PLA2G4F: variants seen among roughly 807,000 people sequenced by gnomAD.
The protein encoded by PLA2G4F is cytosolic phospholipase A2 zeta.
A neutral mutation model predicts 103.1 loss-of-function variants in PLA2G4F; 105 were observed. That is an observed-to-expected ratio of 1.02 (90% CI 0.87 to 1.20). The LOEUF (loss-of-function observed/expected upper bound fraction) is 1.20, where lower values mean the gene tolerates loss of function less well. PLA2G4F is among the 50% of genes most tolerant of loss of function. PLA2G4F has a pLI of 0.00. For synonymous variants in PLA2G4F, 468 were observed against 441.1 expected (o/e 1.06, Z -0.76); for missense variants, 1,155 against 1,075.9 (o/e 1.07, Z -1.03).
Position 42,142,148 on chromosome 15 carries a change from G to T in PLA2G4F, c.2386C>A (p.Pro796Thr), listed in dbSNP as rs1306865684. ...KAFGDFVINRPDTPYGMMNFT... is the reference protein window; with the variant it reads ...KAFGDFVINRTDTPYGMMNFT... ...TTCATCATGCCATAGGGGGTGTCTG[G>T]CCTGTTGATGACAAAGTCCCCAAAG... Residue 796 changes from proline (P) to threonine (T), a missense_variant, in exon 20 of 20, where the codon CCA becomes ACA. Physicochemically the swap from Pro to Thr is conservative, Grantham distance 38. Coordinates refer to ENST00000397272, the MANE Select transcript of PLA2G4F (RefSeq NM_213600.4). 3 of 1,614,204 alleles carry T rather than the reference G, an allele frequency of 1.9e-6. No homozygotes were observed. Among genetic ancestry groups the T allele is most frequent in the Non-Finnish European group, 2.5e-6 (3 of 1,180,032 alleles).
rs2048898773 is a variant in PLA2G4F, at chr15:42,147,187, A to G, written c.1356T>C (p.Ser452=). ...GGTCGATGAGGGACACGCTGTGGCC[A>G]CTGCGCTCCCGGACCCCCAGTTCCT... ...YTQELGVRER[S]GHSVSLIDLW... Residue 452 remains serine, a synonymous_variant, in exon 13 of 20, where the codon AGT becomes AGC. Coordinates refer to ENST00000397272, the MANE Select transcript of PLA2G4F (RefSeq NM_213600.4). 4 of 1,612,862 alleles carry G rather than the reference A, an allele frequency of 2.5e-6. No homozygotes were observed. Among genetic ancestry groups the G allele is most frequent in the Non-Finnish European group, 3.4e-6 (4 of 1,179,984 alleles).
chr15:42,142,138 G>A lies in PLA2G4F; in HGVS notation c.2396C>T (p.Pro799Leu). 1.2e-6 allele frequency: 2 copies of A among 1,614,190 alleles called. No individual in the cohort carries two copies. Among genetic ancestry groups the A allele is most frequent in the Non-Finnish European group, 1.7e-6 (2 of 1,180,030 alleles). The part of the protein sequence containing the change: ...GDFVINRPDT[P>L]YGMMNFTYEP... ...ATAGGTGAAGTTCATCATGCCATAG[G>A]GGGTGTCTGGCCTGTTGATGACAAA... The change falls in exon 20 of 20, where the codon CCC becomes CTC. Residue 799 changes from proline (P) to leucine (L), a missense_variant. Pro to Leu is a moderately conservative substitution (Grantham distance 98). Transcript: ENST00000397272.
chr15:42,144,035 A>G lies in PLA2G4F; in HGVS notation c.2085T>C (p.Pro695=), dbSNP rs754914519. The G allele has an allele frequency of 2.8e-5, 45 of 1,613,862 alleles. No individual in the cohort carries two copies. The highest frequency in any genetic ancestry group is 3.8e-5 in the Non-Finnish European group (45 of 1,179,956). ...ACAGAATGAGGTCCACTGCTCTCTGAGGCAGCAGAGCCAGTGGGAACGGAG... is the reference window on the plus strand; with the variant it reads ...ACAGAATGAGGTCCACTGCTCTCTGGGGCAGCAGAGCCAGTGGGAACGGAG... The part of the protein sequence containing the change: ...INSPFPLALL[P]QRAVDLILSF... Residue 695 remains proline (P), a synonymous_variant, in exon 18 of 20, where the codon CCT becomes CCC. Coordinates refer to ENST00000397272, the MANE Select transcript of PLA2G4F (RefSeq NM_213600.4).
intron 7 of PLA2G4F, chr15:42,151,797 G>C (rs2048964987): frequency 4.8e-6 from 2 of 412,476 alleles, no homozygotes; most frequent in Non-Finnish European, 3.3e-6. Flanking sequence ...ACCTGGGTTT[G>C]ACCCTGGCTC....
rs2048814503 is a variant in PLA2G4F at position 42,139,953 on chromosome 15, G to GCCT, written c.*2030_*2031insAGG. On this transcript the variant is annotated 3_prime_UTR_variant, in exon 20 of 20. Transcript: ENST00000397272. Reference sequence around the variant, plus strand: ...CTTCACAAGCCTTGCTGGCCTGCGGGGACAGACGCTGGCCTCTGCAACCCT... The same window carrying GCCT: ...CTTCACAAGCCTTGCTGGCCTGCGGGCCTGACAGACGCTGGCCTCTGCAACCCT... 3 of 152,400 alleles carry GCCT rather than the reference G, an allele frequency of 2.0e-5. 1 individual carries two copies. Among genetic ancestry groups the GCCT allele is most frequent in the East Asian group, 3.9e-4 (2 of 5,168 alleles). The allele number at this position is 152,400 out of a possible 1,614,324, so 9.4% of individuals were successfully genotyped here.
In PLA2G4F at chr15:42,142,132, C is replaced by G; in HGVS notation, c.2402G>C (p.Gly801Ala). 1.9e-6 allele frequency: 3 copies of G among 1,614,194 alleles called. No homozygotes were observed. The highest frequency in any genetic ancestry group is 2.5e-6 in the Non-Finnish European group (3 of 1,180,034). The change falls in exon 20 of 20, where the codon GGC becomes GCC. Residue 801 changes from glycine (G) to alanine (A), a missense_variant. This residue lies in a region of PLA2G4F where 782 missense variants were observed against 692.9 expected (regional missense o/e 1.13). Coordinates refer to ENST00000397272, the MANE Select transcript of PLA2G4F (RefSeq NM_213600.4). ...GGGCTCATAGGTGAAGTTCATCATG[C>G]CATAGGGGGTGTCTGGCCTGTTGAT... Reference protein sequence around the residue: ...FVINRPDTPYGMMNFTYEPQD... With the variant: ...FVINRPDTPYAMMNFTYEPQD...
At chr15:42,153,998 C>G in intron 4 of PLA2G4F, 94 bp downstream of exon 4, 2 of 1,565,114 alleles carry the variant, frequency 1.3e-6, no homozygotes, top group Admixed American at 3.6e-5. Flanking sequence ...GCCTTGGAGG[C>G]TTGGCCTGTG....
At chr15:42,145,739 G>C in intron 15 of PLA2G4F, 27 bp downstream of exon 15, 1 of 1,613,716 alleles carries the variant, frequency 6.2e-7, no homozygotes, top group Non-Finnish European at 8.5e-7. Flanking sequence ...GCACCTGCCT[G>C]TCCCCAGCCC....
rs1426370349 is a variant in PLA2G4F at position 42,150,764 on chromosome 15, G to C, written c.615C>G (p.Leu205=). The change falls in exon 8 of 20, where the codon CTC becomes CTG. Residue 205 remains leucine, a synonymous_variant. Coordinates refer to ENST00000397272, the MANE Select transcript of PLA2G4F (RefSeq NM_213600.4). The part of the protein sequence containing the change: ...APREEYGSRQ[L]QLAVPGAYEK... The stretch of plus-strand genomic sequence containing the variant: ...CGTAGGCTCCAGGCACTGCCAGCTG[G>C]AGCTGCCTAGAGCCTGAGAGCAGAG... 2 of 1,607,208 alleles carry C rather than the reference G, an allele frequency of 1.2e-6. No individual in the cohort carries two copies. The highest frequency in any genetic ancestry group is 1.3e-5 in the African/African-American group (1 of 74,896).
chr15:42,155,445 G>T, intron 2 of PLA2G4F, 72 bp downstream of exon 2: 1 of 1,504,510 alleles, frequency 6.6e-7, no homozygotes. Flanking sequence ...CTCTCTGTTA[G>T]CCAGCCTGAG....
chr15:42,145,762 T>C lies in PLA2G4F; in HGVS notation c.1672+4A>G. 1 of 1,614,006 alleles carries C rather than the reference T, an allele frequency of 6.2e-7. No individual in the cohort carries two copies. The highest frequency in any genetic ancestry group is 8.5e-7 in the Non-Finnish European group (1 of 1,180,002). ...CTGTCCCCAGCCCTCCAGCCTCGACTCACCTTGCAGGTAACAGATCCGGGG... is the reference window on the plus strand; with the variant it reads ...CTGTCCCCAGCCCTCCAGCCTCGACCCACCTTGCAGGTAACAGATCCGGGG... On this transcript the variant is annotated splice_donor_region_variant and intron_variant, in intron 15 of 19. Transcript: ENST00000397272.
At chr15:42,144,842 G>A (rs886188164) in intron 16 of PLA2G4F, among the ~76,000 whole-genome samples, 198 bp from the exon 17 acceptor site, 2 of 152,048 alleles carry the variant, frequency 1.3e-5, no homozygotes, top group Non-Finnish European at 2.9e-5. Flanking sequence ...TATCCTCTAT[G>A]TTTTGAAAAC....
chr15:42,153,255 T>G (rs1208962919), intron 6 of PLA2G4F, 45 bp downstream of exon 6: 3 of 1,580,368 alleles, frequency 1.9e-6, no homozygotes, highest in Non-Finnish European at 1.7e-6. Context: ...GGTTCCTCAC[T>G]GCCCCCCAGC....
In PLA2G4F at chr15:42,145,524, G is replaced by T. The variant is rs963230952; in HGVS notation, c.1780+51C>A. 6 of 1,533,672 alleles carry T rather than the reference G, an allele frequency of 3.9e-6. No homozygotes were observed. In the African/African-American group the frequency reaches 4.1e-5, roughly 10 times the overall value. On this transcript the variant is annotated intron_variant, in intron 16 of 19. Coordinates refer to ENST00000397272, the MANE Select transcript of PLA2G4F (RefSeq NM_213600.4). ...CCTCATTCTTCTTGTCTCTGCCAGGGCCCTGTTGCTGGAATGTGGTGTGGG... is the reference window on the plus strand; with the variant it reads ...CCTCATTCTTCTTGTCTCTGCCAGGTCCCTGTTGCTGGAATGTGGTGTGGG...
intron 1 of PLA2G4F, among the ~76,000 whole-genome samples, 181 bp from the exon 2 acceptor site, chr15:42,155,770 G>T (rs1394496512): frequency 6.6e-6 from 1 of 152,114 alleles, no homozygotes; most frequent in Non-Finnish European, 1.5e-5. Context: ...TTCGTGATGT[G>T]TCTGGACCCT....
At chr15:42,145,727 C>T (rs542362062) in intron 15 of PLA2G4F, 39 bp downstream of exon 15, 25 of 1,613,478 alleles carry the variant, frequency 1.5e-5, no homozygotes, top group African/African-American at 4.0e-5. Flanking sequence ...GGCCTGGCCC[C>T]GGCACCTGCC....
Position 42,141,791 on chromosome 15 carries a change from A to G in PLA2G4F, c.*193T>C, listed in dbSNP as rs944020795. 3.2e-5 allele frequency: 20 copies of G among 632,240 alleles called. No homozygotes were observed. Among genetic ancestry groups the G allele is most frequent in the Non-Finnish European group, 5.3e-5 (19 of 356,910 alleles). 39.2% of individuals were successfully genotyped at this position (632,240 alleles called of 1,614,324 possible). A position where few individuals can be genotyped will look rare whatever the true frequency, so the allele number is the denominator to read the frequency against. On this transcript the variant is annotated 3_prime_UTR_variant, in exon 20 of 20. Transcript: ENST00000397272. The stretch of plus-strand genomic sequence containing the variant: ...TCTACTGCCCATCTTCTCCAAAAAC[A>G]CACAAGGAGAGCCCTGCCCCAGTCC...
In PLA2G4F at chr15:42,149,828, C is replaced by A. The variant is rs750820840; in HGVS notation, c.944G>T (p.Arg315Leu). 1.2e-6 allele frequency: 2 copies of A among 1,614,186 alleles called. No individual in the cohort carries two copies. Among genetic ancestry groups the A allele is most frequent in the South Asian group, 2.2e-5 (2 of 91,074 alleles). The stretch of plus-strand genomic sequence containing the variant: ...CCCGTCAGAGAGGTCAAAGCCAAGG[C>A]GTAGGTCTAGGTCCCCGGAGCTGCC... ...VEMSSGDLDL[R>L]LGFDLSDGEQ... is the part of the protein sequence containing the mutation. Residue 315 changes from arginine to leucine, a missense_variant, in exon 11 of 20, where the codon CGC (arginine) becomes CTC (leucine). Physicochemically the swap from Arg to Leu is moderately radical, Grantham distance 102. This residue lies in a region of PLA2G4F where 782 missense variants were observed against 692.9 expected (regional missense o/e 1.13). Transcript: ENST00000397272.
chr15:42,146,756 G>C (rs1388991642), intron 13 of PLA2G4F: 1 of 241,268 alleles, frequency 4.1e-6, no homozygotes, highest in African/African-American at 2.3e-5. Flanking sequence ...CTGAGAAGTG[G>C]GTGTGGCGCT....
Sources: gnomAD v4.1 joint callset for allele counts (sites outside exome capture counted in the v4.1 genomes callset) on GRCh38, gnomAD v4.1.1 for gene constraint, gnomAD v4.1.1 regional missense constraint, MANE v1.5 for transcripts, NCBI Gene and HGNC (gene_info 2026-07-23, HGNC 2026-07-21) for gene names.